Variants in HEATR3 observed in about 807,000 individuals in gnomAD.
HEATR3 encodes the protein HEAT repeat containing 3.
Under a neutral mutation model 72.8 loss-of-function variants are expected in HEATR3, and 56 were observed. That is an observed-to-expected ratio of 0.77 (90% CI 0.62 to 0.96). The LOEUF is 0.96. Among genes scored for constraint, HEATR3 ranks in the 40% least tolerant of loss-of-function variants. The pLI is 0.00. For synonymous variants in HEATR3, 331 were observed against 318.1 expected, an observed-to-expected ratio of 1.04 and a Z score of -0.43; for missense variants, 747 against 831.4, an observed-to-expected ratio of 0.90 and a Z score of 1.25.
At chr16:50,099,361 T>C (rs1597178028) in intron 12 of HEATR3, among the ~76,000 whole-genome samples, 1 of 152,080 alleles carries the variant, frequency 6.6e-6, no homozygotes, top group Middle Eastern at 3.2e-3. Context: ...TCCTAACACT[T>C]TGGGAGCCTG....
chr16:50,081,400 G>A (rs962426828), intron 7 of HEATR3, among the ~76,000 whole-genome samples: 4 of 152,136 alleles, frequency 2.6e-5, no homozygotes, highest in Non-Finnish European at 5.9e-5. Context: ...AGTCAAGATC[G>A]CGCCACTGCA....
At chr16:50,092,263 G>T (rs867972298) in intron 11 of HEATR3, among the ~76,000 whole-genome samples, 1 of 151,828 alleles carries the variant, frequency 6.6e-6, no homozygotes, top group Non-Finnish European at 1.5e-5. Flanking sequence ...GCTTGAGCCC[G>T]GGAGGTCCAG....
intron 11 of HEATR3, among the ~76,000 whole-genome samples, chr16:50,089,934 G>A (rs1232677981): frequency 6.6e-6 from 1 of 152,048 alleles, no homozygotes; most frequent in East Asian, 1.9e-4. Context: ...CAAAGTGCTG[G>A]GATTACAGGC....
chr16:50,083,354 G>T (rs2036913483), intron 7 of HEATR3, among the ~76,000 whole-genome samples: 1 of 150,470 alleles, frequency 6.6e-6, no homozygotes, highest in Non-Finnish European at 1.5e-5. Context: ...TATTTTCAGA[G>T]AAAAAAAAAG....
chr16:50,096,811 C>G (rs2037249082), intron 12 of HEATR3, among the ~76,000 whole-genome samples: 1 of 152,094 alleles, frequency 6.6e-6, no homozygotes, highest in Admixed American at 6.6e-5. Flanking sequence ...AAATAAGTAA[C>G]TAAAGTGTAC....
intron 5 of HEATR3, chr16:50,074,132 G>C (rs907896830): frequency 6.6e-6 from 1 of 152,146 alleles, no homozygotes; most frequent in Non-Finnish European, 1.5e-5. Context: ...TGCATTTTGA[G>C]TAATTTTGAT....
Position 50,066,148 on chromosome 16 carries a change from C to T in HEATR3, c.17C>T (p.Thr6Met), listed in dbSNP as rs770614728. 16 of 1,596,966 alleles carry T rather than the reference C, an allele frequency of 1.0e-5. No individual in the cohort carries two copies. In the East Asian group the frequency reaches 3.4e-4, roughly 34 times the overall value. The change falls in exon 1 of 15, where the codon ACG (threonine) becomes ATG (methionine). Residue 6 changes from threonine to methionine, a missense_variant. Transcript: ENST00000299192. ...CACGTCACCATGGGCAAGAGCCGGA[C>T]GAAGCGCTTCAAGCGACCTCAGTTC... MGKSR[T>M]KRFKRPQFSP...
At chr16:50,086,435 G>T (rs1438599688) in intron 11 of HEATR3, 84 bp downstream of exon 11, 3 of 1,399,132 alleles carry the variant, frequency 2.1e-6, no homozygotes, top group African/African-American at 2.9e-5. Flanking sequence ...AATGTATATT[G>T]TTTGTCATCC....
In HEATR3 at chr16:50,106,901, T is replaced by A. The variant is rs1231778726; in HGVS notation, c.*1840T>A. On this transcript the variant is annotated 3_prime_UTR_variant, in exon 15 of 15. Coordinates refer to ENST00000299192, the MANE Select transcript of HEATR3 (RefSeq NM_182922.4). ...TCCTAGCCCATGGCACCAAGTAAAATAACCCAAATTGTGTATATGGTGGGA... is the reference window on the plus strand; with the variant it reads ...TCCTAGCCCATGGCACCAAGTAAAAAAACCCAAATTGTGTATATGGTGGGA... Among the ~76,000 whole-genome samples, 17 of 152,098 alleles carry A rather than the reference T, an allele frequency of 1.1e-4. No homozygotes were observed.
In HEATR3 at chr16:50,072,468, C is replaced by T. The variant is rs997722276; in HGVS notation, c.513-137C>T. ...GAATGTGAATGGGTGTTAGTTCCTTCATCGATAAAAATGGTGGGTGTTTGA... is the reference window on the plus strand; with the variant it reads ...GAATGTGAATGGGTGTTAGTTCCTTTATCGATAAAAATGGTGGGTGTTTGA... On this transcript the variant is annotated intron_variant, in intron 4 of 14. Coordinates refer to ENST00000299192, the MANE Select transcript of HEATR3 (RefSeq NM_182922.4). 2.0e-5 allele frequency: 12 copies of T among 613,248 alleles called. No homozygotes were observed. In the Admixed American group the frequency reaches 2.1e-4, roughly 11 times the overall value. The allele number at this position is 613,248 out of a possible 1,614,324, so 38.0% of individuals were successfully genotyped here.
chr16:50,087,345 G>A (rs1220598124), intron 11 of HEATR3, among the ~76,000 whole-genome samples: 3 of 152,194 alleles, frequency 2.0e-5, no homozygotes, highest in South Asian at 2.1e-4. Flanking sequence ...GATCTATAGC[G>A]ATACAAGAGT....
Position 50,084,291 on chromosome 16 carries a change from G to C in HEATR3, c.1290G>C (p.Lys430Asn). The C allele has an allele frequency of 6.2e-7, 1 of 1,612,870 alleles. No individual in the cohort carries two copies. The part of the protein sequence containing the change: ...TALTNYLIPK[K>N]IFEKTAFPNS... ...TCACCAACTACCTCATCCCAAAGAA[G>C]GTAATCCATTTTCATTCTAGGCTTA... The change falls in exon 9 of 15, where the codon AAG becomes AAC. Residue 430 changes from lysine to asparagine, a missense_variant and splice_region_variant. Physicochemically the swap from Lys to Asn is moderately conservative, Grantham distance 94. Around this residue, in one of 2 missense-constraint regions of HEATR3, gnomAD observed 586 missense variants for 708.8 expected, o/e 0.83. Transcript: ENST00000299192.
intron 11 of HEATR3, 25 bp from the exon 12 acceptor site, chr16:50,094,678 ATT>A: frequency 2.1e-6 from 3 of 1,403,700 alleles, no homozygotes; most frequent in Non-Finnish European, 2.9e-6. Flanking sequence ...AGAAATGCAA[ATT>A]TTATATTTCA....
At position 50,078,737 on chromosome 16, in the gene HEATR3, C is replaced by T; in HGVS notation, c.764-4C>T. 6.3e-7 allele frequency: 1 copy of T among 1,597,294 alleles called. No individual in the cohort carries two copies. Among genetic ancestry groups the T allele is most frequent in the Non-Finnish European group, 8.5e-7 (1 of 1,172,978 alleles). The stretch of plus-strand genomic sequence containing the variant: ...TCTTATCCTTATGCTTGTTTTTTTC[C>T]CAGGCACAATTTGGAATCTAAAGGA... On this transcript the variant is annotated splice_polypyrimidine_tract_variant and splice_region_variant and intron_variant, in intron 6 of 14. Coordinates refer to ENST00000299192, the MANE Select transcript of HEATR3 (RefSeq NM_182922.4).
At chr16:50,078,110 C>T (rs946334216) in intron 6 of HEATR3, among the ~76,000 whole-genome samples, 1 of 152,044 alleles carries the variant, frequency 6.6e-6, no homozygotes, top group Non-Finnish European at 1.5e-5. Flanking sequence ...CTCCTGACCT[C>T]GAGTGATCCT....
At position 50,105,003 on chromosome 16, in the gene HEATR3, T is replaced by C. The variant is rs756870238; in HGVS notation, c.1985T>C (p.Met662Thr). 1 of 1,613,256 alleles carries C rather than the reference T, an allele frequency of 6.2e-7. No homozygotes were observed. Among genetic ancestry groups the C allele is most frequent in the South Asian group, 1.1e-5 (1 of 90,826 alleles). The change falls in exon 15 of 15, where the codon ATG becomes ACG. Residue 662 changes from methionine (M) to threonine (T), a missense_variant. Met to Thr is a moderately conservative substitution (Grantham distance 81). Coordinates refer to ENST00000299192, the MANE Select transcript of HEATR3 (RefSeq NM_182922.4). ...DQLCVLDNVK[M>T]NLRRFIAYQE... ...CTGTGTGTTCTTGACAATGTGAAAATGAATTTGCGAAGATTTATTGCTTAT... is the reference window on the plus strand; with the variant it reads ...CTGTGTGTTCTTGACAATGTGAAAACGAATTTGCGAAGATTTATTGCTTAT...
At chr16:50,079,800 G>A (rs1379105716) in intron 7 of HEATR3, among the ~76,000 whole-genome samples, 1 of 152,172 alleles carries the variant, frequency 6.6e-6, no homozygotes, top group Non-Finnish European at 1.5e-5. Flanking sequence ...GTAATTTCCA[G>A]CCTTCAGGAA....
chr16:50,094,976 G>A (rs995168035), intron 12 of HEATR3, among the ~76,000 whole-genome samples, 183 bp downstream of exon 12: 1 of 152,108 alleles, frequency 6.6e-6, no homozygotes, highest in Non-Finnish European at 1.5e-5. Context: ...CCTACCATCA[G>A]CAACACACAG....
chr16:50,082,518 A>G (rs1008986292), intron 7 of HEATR3, among the ~76,000 whole-genome samples: 2 of 152,012 alleles, frequency 1.3e-5, no homozygotes, highest in Non-Finnish European at 2.9e-5. Context: ...CTTGCTACCA[A>G]TAAGTAGAAT....
Sources: gnomAD v4.1 joint callset for allele counts (sites outside exome capture counted in the v4.1 genomes callset) on GRCh38, gnomAD v4.1.1 for gene constraint, gnomAD v4.1.1 regional missense constraint, MANE v1.5 for transcripts, NCBI Gene and HGNC (gene_info 2026-07-23, HGNC 2026-07-21) for gene names.